JAKMIP2: variants seen among roughly 807,000 people sequenced by gnomAD.
JAKMIP2 encodes janus kinase and microtubule interacting protein 2.
In JAKMIP2, 25 loss-of-function variants were observed where a neutral mutation model predicts 115.0. That is an observed-to-expected ratio of 0.22 (90% CI 0.16 to 0.30). JAKMIP2 has a LOEUF of 0.30. Among genes scored for constraint, JAKMIP2 ranks in the 10% least tolerant of loss-of-function variants. The probability of loss-of-function intolerance (pLI) is 1.00; values close to 1 mark genes in which losing one functional copy is unlikely to be tolerated. For missense variants in JAKMIP2, 642 were observed against 957.6 expected, an observed-to-expected ratio of 0.67 and a Z score of 4.35; for synonymous variants, 334 against 343.6, an observed-to-expected ratio of 0.97 and a Z score of 0.31.
intron 1 of JAKMIP2, among the ~76,000 whole-genome samples, chr5:147,685,924 C>T (rs910852572): frequency 3.9e-5 from 6 of 151,970 alleles, no homozygotes; most frequent in African/African-American, 7.3e-5. Context: ...TCTGGCATAG[C>T]GCAGGGTGGC....
chr5:147,701,943 A>T, intron 1 of JAKMIP2, among the ~76,000 whole-genome samples: 1 of 152,188 alleles, frequency 6.6e-6, no homozygotes, highest in Non-Finnish European at 1.5e-5. Context: ...TTTTGCTTGC[A>T]CATTATCTCT....
At chr5:147,700,551 T>G (rs537489459) in intron 1 of JAKMIP2, among the ~76,000 whole-genome samples, 1 of 152,258 alleles carries the variant, frequency 6.6e-6, no homozygotes, top group Non-Finnish European at 1.5e-5. Flanking sequence ...AGTATACTAA[T>G]ATTTGAGGAG....
At chr5:147,685,584 T>C (rs1388255681) in intron 1 of JAKMIP2, among the ~76,000 whole-genome samples, 1 of 152,168 alleles carries the variant, frequency 6.6e-6, no homozygotes, top group Admixed American at 6.5e-5. Flanking sequence ...AATACTTCAG[T>C]TTGTTTTTAC....
At chr5:147,770,949 G>T (rs1580904561) in intron 1 of JAKMIP2, among the ~76,000 whole-genome samples, 1 of 152,020 alleles carries the variant, frequency 6.6e-6, no homozygotes, top group South Asian at 2.1e-4. Flanking sequence ...TTTATTTTAG[G>T]ACTGGGATTC....
chr5:147,678,810 C>T (rs1333667998), intron 1 of JAKMIP2, among the ~76,000 whole-genome samples: 2 of 151,368 alleles, frequency 1.3e-5, no homozygotes, highest in Non-Finnish European at 2.9e-5. Flanking sequence ...TACTACATAC[C>T]CATAAAAATT....
chr5:147,751,346 C>G (rs1190472849), intron 1 of JAKMIP2, among the ~76,000 whole-genome samples: 1 of 151,410 alleles, frequency 6.6e-6, no homozygotes, highest in African/African-American at 2.4e-5. Context: ...GATCCGCCCT[C>G]CTCCGCCTCC....
At chr5:147,624,330 T>A (rs1460686551) in intron 16 of JAKMIP2, among the ~76,000 whole-genome samples, 1 of 152,120 alleles carries the variant, frequency 6.6e-6, no homozygotes, top group East Asian at 1.9e-4. Context: ...TTGTGAGTGA[T>A]AATTGCACTG....
intron 1 of JAKMIP2, among the ~76,000 whole-genome samples, chr5:147,720,682 C>T (rs1444985445): frequency 6.6e-6 from 1 of 151,526 alleles, no homozygotes; most frequent in Non-Finnish European, 1.5e-5. Flanking sequence ...GTTCTCGAGC[C>T]TTGGTTTTCA....
At chr5:147,670,091 G>C (rs1363295563) in intron 2 of JAKMIP2, among the ~76,000 whole-genome samples, 1 of 152,150 alleles carries the variant, frequency 6.6e-6, no homozygotes, top group African/African-American at 2.4e-5. Context: ...GTTCTAAAAT[G>C]ACATCATGTT....
chr5:147,655,334 G>T (rs1758623940), intron 3 of JAKMIP2, among the ~76,000 whole-genome samples: 1 of 152,046 alleles, frequency 6.6e-6, no homozygotes, highest in Non-Finnish European at 1.5e-5. Flanking sequence ...CTGGTCCTGG[G>T]CTTTTTTTGT....
chr5:147,699,088 C>A (rs1752222634), intron 1 of JAKMIP2, among the ~76,000 whole-genome samples: 1 of 152,110 alleles, frequency 6.6e-6, no homozygotes, highest in Admixed American at 6.5e-5. Context: ...ATGCTATGAT[C>A]TAATCAATAA....
At chr5:147,602,658 T>C (rs898622419) in intron 20 of JAKMIP2, among the ~76,000 whole-genome samples, 2 of 152,240 alleles carry the variant, frequency 1.3e-5, no homozygotes, top group African/African-American at 4.8e-5. Flanking sequence ...ACTAACCGTA[T>C]ACTAACTATA....
At chr5:147,648,834 G>T (rs781338768) in intron 4 of JAKMIP2, among the ~76,000 whole-genome samples, 1 of 152,160 alleles carries the variant, frequency 6.6e-6, no homozygotes, top group Non-Finnish European at 1.5e-5. Flanking sequence ...CATCCCTTGT[G>T]TCATGGCCAC....
chr5:147,672,235 C>T (rs1581390422), intron 1 of JAKMIP2, among the ~76,000 whole-genome samples: 2 of 152,186 alleles, frequency 1.3e-5, no homozygotes, highest in Middle Eastern at 3.2e-3. Context: ...AAACTGCTCG[C>T]TCTTCTATCC....
intron 1 of JAKMIP2, among the ~76,000 whole-genome samples, chr5:147,703,769 C>G (rs1490029696): frequency 6.6e-6 from 1 of 151,754 alleles, no homozygotes; most frequent in Non-Finnish European, 1.5e-5. Flanking sequence ...TTTACTTCAA[C>G]TTTTTTACTT....
chr5:147,626,591 T>C (rs1337502092), intron 16 of JAKMIP2, among the ~76,000 whole-genome samples: 1 of 152,192 alleles, frequency 6.6e-6, no homozygotes, highest in Non-Finnish European at 1.5e-5. Flanking sequence ...GTCACACTAG[T>C]ACCTAGTCTC....
chr5:147,681,639 G>T (rs1239199854), intron 1 of JAKMIP2, among the ~76,000 whole-genome samples: 1 of 152,138 alleles, frequency 6.6e-6, no homozygotes, highest in African/African-American at 2.4e-5. Flanking sequence ...CAGCATACTT[G>T]CCCACCCTAG....
intron 9 of JAKMIP2, 95 bp from the exon 10 acceptor site, chr5:147,639,855 A>C: frequency 7.0e-7 from 1 of 1,438,086 alleles, no homozygotes; most frequent in Non-Finnish European, 9.5e-7. Flanking sequence ...TTTTACAAGA[A>C]GTAAAAGGTT....
chr5:147,744,676 A>C (rs1754284292), intron 1 of JAKMIP2, among the ~76,000 whole-genome samples: 1 of 152,208 alleles, frequency 6.6e-6, no homozygotes, highest in Admixed American at 6.5e-5. Flanking sequence ...GATTGGTACA[A>C]AAATATAAAC....
Sources: allele counts gnomAD v4.1 joint callset (sites outside exome capture counted in the v4.1 genomes callset), GRCh38; gene constraint gnomAD v4.1.1; transcripts MANE v1.5; gene names NCBI Gene and HGNC (gene_info 2026-07-23, HGNC 2026-07-21).